The following CSGALNACT1 variants were observed in gnomAD, a reference collection of about 807,000 sequenced individuals.
CSGALNACT1 encodes chondroitin sulfate N-acetylgalactosaminyltransferase 1, also known as beta4GalNAcT-1.
Under a neutral mutation model 51.0 loss-of-function variants are expected in CSGALNACT1, and 52 were observed. That is an observed-to-expected ratio of 1.02 (90% CI 0.82 to 1.29). The LOEUF (loss-of-function observed/expected upper bound fraction) is 1.29. Among genes scored for constraint, CSGALNACT1 ranks in the 50% most tolerant of loss-of-function variants. The pLI, the probability that CSGALNACT1 is intolerant of heterozygous loss-of-function variation, is 0.00. For synonymous variants in CSGALNACT1, 341 were observed against 254.4 expected, an observed-to-expected ratio of 1.34 and a Z score of -3.24; for missense variants, 935 against 679.2, an observed-to-expected ratio of 1.38 and a Z score of -4.19.
At chr8:19,700,913 G>A (rs2061829811) in intron 1 of CSGALNACT1, among the ~76,000 whole-genome samples, 2 of 152,064 alleles carry the variant, frequency 1.3e-5, no homozygotes, top group African/African-American at 2.4e-5. Flanking sequence ...AATTTTTGGA[G>A]AAATTACCTT....
intron 3 of CSGALNACT1, among the ~76,000 whole-genome samples, chr8:19,560,683 C>A (rs1334086743): frequency 6.6e-6 from 1 of 152,168 alleles, no homozygotes; most frequent in Admixed American, 6.5e-5. Flanking sequence ...TGAATACACA[C>A]CTTCATTCTG....
intron 1 of CSGALNACT1, among the ~76,000 whole-genome samples, chr8:19,705,666 G>C (rs137878882): frequency 2.6e-5 from 4 of 152,228 alleles, no homozygotes; most frequent in East Asian, 1.9e-4. Flanking sequence ...GAGCCGGGGA[G>C]GGGGAGGCTG....
intron 3 of CSGALNACT1, among the ~76,000 whole-genome samples, chr8:19,560,152 A>C (rs1313240011): frequency 6.6e-6 from 1 of 152,228 alleles, no homozygotes; most frequent in African/African-American, 2.4e-5. Context: ...GACTGAACAA[A>C]GAGGGTGAAG....
intron 4 of CSGALNACT1, among the ~76,000 whole-genome samples, chr8:19,500,101 T>TAGAGGGGCCTGGTGAG (rs1311529075): frequency 6.6e-6 from 1 of 152,188 alleles, no homozygotes; most frequent in Non-Finnish European, 1.5e-5. Context: ...AGTAAAAGGA[T>TAGAGGGGCCTGGTGAG]AGAGGGGCCT....
At chr8:19,421,264 G>C (rs187984378) in intron 6 of CSGALNACT1, among the ~76,000 whole-genome samples, 260 of 152,334 alleles carry the variant, frequency 1.7e-3, no homozygotes, top group African/African-American at 5.9e-3. Context: ...GTAAGCATCA[G>C]CTATTGCTGT....
rs61551105 is a variant in CSGALNACT1, at chr8:19,630,643, C to T, written c.-543-28778G>A. Among the ~76,000 whole-genome samples the T allele has an allele frequency of 4.1e-3, 630 of 152,276 alleles. 4 individuals are homozygous for T. Among genetic ancestry groups the T allele is most frequent in the African/African-American group, 0.014 (584 of 41,550 alleles). ...TGTTCTTCAACTATTTTATCCCTCCCCCACAAAACCACCAAAACCACTGAT... is the reference window on the plus strand; with the variant it reads ...TGTTCTTCAACTATTTTATCCCTCCTCCACAAAACCACCAAAACCACTGAT... On this transcript the variant is annotated intron_variant, in intron 1 of 9. Coordinates refer to the CSGALNACT1 transcript ENST00000332246.
chr8:19,683,111 G>T (rs2060749829), upstream of CSGALNACT1: 1 of 217,328 alleles, frequency 4.6e-6, no homozygotes, highest in Non-Finnish European at 9.5e-6. Flanking sequence ...ATAATGGAAT[G>T]AAATGTCAGA....
chr8:19,502,186 T>C (rs537830735), intron 4 of CSGALNACT1, among the ~76,000 whole-genome samples: 1 of 152,366 alleles, frequency 6.6e-6, no homozygotes, highest in African/African-American at 2.4e-5. Context: ...TGGCTTGTCC[T>C]GCCTGGGTCA....
chr8:19,739,167 G>A (rs116678297), intron 1 of CSGALNACT1, among the ~76,000 whole-genome samples: 30 of 151,630 alleles, frequency 2.0e-4, no homozygotes, highest in East Asian at 3.9e-4. Flanking sequence ...TGCTACTCAA[G>A]GAAAAATCTA....
chr8:19,537,914 T>C (rs1245819566), intron 3 of CSGALNACT1, among the ~76,000 whole-genome samples: 1 of 152,234 alleles, frequency 6.6e-6, no homozygotes, highest in African/African-American at 2.4e-5. Flanking sequence ...TAAAAACTTT[T>C]GCTCTGCAAA....
intron 1 of CSGALNACT1, among the ~76,000 whole-genome samples, chr8:19,640,627 A>C (rs528610625): frequency 5.1e-4 from 77 of 152,352 alleles, no homozygotes; most frequent in African/African-American, 1.8e-3. Context: ...GGGAAGCACT[A>C]TATAGCATTT....
At chr8:19,415,742 T>C (rs1271214136) in intron 8 of CSGALNACT1, among the ~76,000 whole-genome samples, 1 of 152,226 alleles carries the variant, frequency 6.6e-6, no homozygotes, top group Admixed American at 6.5e-5. Flanking sequence ...AAACAACACA[T>C]TACTTAAACC....
chr8:19,755,269 G>C (rs542139925), intron 1 of CSGALNACT1, among the ~76,000 whole-genome samples: 6 of 152,040 alleles, frequency 3.9e-5, no homozygotes, highest in African/African-American at 1.2e-4. Flanking sequence ...AGAAAAAGCT[G>C]AAGTATTGCC....
intron 9 of CSGALNACT1, 129 bp downstream of exon 8, chr8:19,408,468 CTTTTTTTTTTTTTTTT>C (rs1186216767): frequency 8.5e-5 from 40 of 469,658 alleles, no homozygotes; most frequent in South Asian, 1.0e-4. Context: ...TCTGGAATAG[CTTTTTTTTTTTTTTTT>C]TTTTTTTTTT....
exon 6 of CSGALNACT1, chr8:19,439,833 G>C: frequency 6.2e-7 from 1 of 1,608,980 alleles, no homozygotes; most frequent in Non-Finnish European, 8.5e-7. Context: ...TACTCACTTG[G>C]AAGTGTTTTC....
upstream of CSGALNACT1, among the ~76,000 whole-genome samples, chr8:19,605,853 A>G (rs1020311009): frequency 2.0e-5 from 3 of 152,226 alleles, no homozygotes; most frequent in Non-Finnish European, 2.9e-5. Flanking sequence ...AGAGCAATTA[A>G]AAATGGTGAA....
At chr8:19,667,612 G>A (rs770654157) in intron 1 of CSGALNACT1, among the ~76,000 whole-genome samples, 1 of 152,156 alleles carries the variant, frequency 6.6e-6, no homozygotes, top group African/African-American at 2.4e-5. Flanking sequence ...GGCCCTTAAT[G>A]CAACATGACC....
intron 3 of CSGALNACT1, among the ~76,000 whole-genome samples, chr8:19,548,116 T>C (rs987299185): frequency 2.0e-5 from 3 of 152,240 alleles, no homozygotes; most frequent in Non-Finnish European, 4.4e-5. Flanking sequence ...CAACTAAATA[T>C]TGAATTTGGA....
intron 3 of CSGALNACT1, among the ~76,000 whole-genome samples, chr8:19,547,585 A>G (rs1404099348): frequency 6.6e-6 from 1 of 152,080 alleles, no homozygotes; most frequent in African/African-American, 2.4e-5. Flanking sequence ...GCTTTTCACC[A>G]TGATTGTGAG....
Sources: allele counts gnomAD v4.1 joint callset (sites outside exome capture counted in the v4.1 genomes callset), GRCh38; gene constraint gnomAD v4.1.1; transcripts MANE v1.5; gene names NCBI Gene and HGNC (gene_info 2026-07-23, HGNC 2026-07-21).